Variants in KCNB2 observed in about 807,000 individuals in gnomAD.
The protein encoded by KCNB2 is delayed rectifier potassium channel protein.
Under a neutral mutation model 61.5 loss-of-function variants are expected in KCNB2, and 15 were observed. The ratio of observed to expected loss-of-function variants is 0.24; its 90% CI spans 0.16 to 0.38. The LOEUF is 0.38. Among genes scored for constraint, KCNB2 ranks in the 10% least tolerant of loss-of-function variants. KCNB2 has a pLI of 1.00. For synonymous variants in KCNB2, 457 were observed against 446.0 expected (o/e 1.02, Z -0.31); for missense variants, 828 against 1,125.2 (o/e 0.74, Z 3.78).
chr8:72,890,899 A>T (rs1805886258), intron 2 of KCNB2, among the ~76,000 whole-genome samples: 1 of 152,222 alleles, frequency 6.6e-6, no homozygotes, highest in African/African-American at 2.4e-5. Flanking sequence ...ACTGTCAACA[A>T]TGGTGGCTTA....
intron 2 of KCNB2, among the ~76,000 whole-genome samples, chr8:72,910,483 A>T (rs34754763): frequency 0.059 from 8,939 of 152,248 alleles, 361 homozygotes; most frequent in South Asian, 0.11. Context: ...AAGGGCATAC[A>T]CAATAGAGAT....
chr8:72,625,089 A>AGACACTAGCGG (rs1157600899), intron 2 of KCNB2, among the ~76,000 whole-genome samples: 1 of 152,178 alleles, frequency 6.6e-6, no homozygotes, highest in Non-Finnish European at 1.5e-5. Flanking sequence ...CAGCCTGGTG[A>AGACACTAGCGG]GACACTAGCG....
At chr8:72,558,742 G>C (rs527496254) in intron 1 of KCNB2, among the ~76,000 whole-genome samples, 1 of 152,230 alleles carries the variant, frequency 6.6e-6, no homozygotes, top group Admixed American at 6.5e-5. Flanking sequence ...GAAGAAGATG[G>C]ATATTTATCA....
chr8:72,745,270 G>T (rs963512712), intron 2 of KCNB2, among the ~76,000 whole-genome samples: 2 of 152,172 alleles, frequency 1.3e-5, no homozygotes, highest in African/African-American at 2.4e-5. Flanking sequence ...GAATGTAAGA[G>T]AAAATGAACA....
intron 2 of KCNB2, among the ~76,000 whole-genome samples, chr8:72,572,991 G>C (rs940590775): frequency 7.9e-5 from 12 of 152,122 alleles, no homozygotes; most frequent in African/African-American, 2.2e-4. Context: ...GGAGCTGCTG[G>C]TGGCAGATGG....
intron 2 of KCNB2, among the ~76,000 whole-genome samples, chr8:72,824,664 G>A (rs768155012): frequency 7.2e-5 from 11 of 152,078 alleles, no homozygotes; most frequent in South Asian, 2.1e-4. Context: ...CAATGAGTCC[G>A]CCCTTCTCTA....
At chr8:72,859,048 C>A (rs1209413411) in intron 2 of KCNB2, among the ~76,000 whole-genome samples, 1 of 152,162 alleles carries the variant, frequency 6.6e-6, no homozygotes, top group Non-Finnish European at 1.5e-5. Flanking sequence ...TAGGTTGACC[C>A]TACGAACCTT....
intron 1 of KCNB2, among the ~76,000 whole-genome samples, chr8:72,543,701 C>T (rs4738266): frequency 0.67 from 102,496 of 152,060 alleles, 34,834 homozygotes; most frequent in Admixed American, 0.73. Flanking sequence ...TTTTTATTTA[C>T]ATATATGTCT....
chr8:72,601,651 T>C (rs532084886), intron 2 of KCNB2, among the ~76,000 whole-genome samples: 1 of 152,308 alleles, frequency 6.6e-6, no homozygotes, highest in Admixed American at 6.5e-5. Context: ...GTGAAGTGTT[T>C]AAGGGGCAAA....
intron 2 of KCNB2, among the ~76,000 whole-genome samples, chr8:72,668,250 T>C (rs1176202796): frequency 6.6e-6 from 1 of 152,116 alleles, no homozygotes; most frequent in East Asian, 1.9e-4. Context: ...TTATTGGGGA[T>C]CAGCCACACA....
At chr8:72,833,343 A>G (rs184222904) in intron 2 of KCNB2, among the ~76,000 whole-genome samples, 179 of 152,302 alleles carry the variant, frequency 1.2e-3, no homozygotes, top group African/African-American at 3.7e-3. Flanking sequence ...TGGAGAAGAC[A>G]GGAAAAATTT....
intron 2 of KCNB2, among the ~76,000 whole-genome samples, chr8:72,599,978 C>G (rs1309422329): frequency 6.6e-6 from 1 of 152,184 alleles, no homozygotes; most frequent in African/African-American, 2.4e-5. Flanking sequence ...AATAGGAACA[C>G]TTTTACACTG....
intron 2 of KCNB2, among the ~76,000 whole-genome samples, chr8:72,594,508 AT>A (rs1456687325): frequency 6.6e-6 from 1 of 152,186 alleles, no homozygotes; most frequent in African/African-American, 2.4e-5. Flanking sequence ...ATATATTTTG[AT>A]GTTTAGAGAA....
intron 2 of KCNB2, among the ~76,000 whole-genome samples, chr8:72,777,140 C>G (rs539054493): frequency 6.6e-6 from 1 of 152,268 alleles, no homozygotes; most frequent in South Asian, 2.1e-4. Context: ...TTCTCTCTTC[C>G]TCTTTTTGTA....
intron 2 of KCNB2, among the ~76,000 whole-genome samples, chr8:72,614,427 A>C (rs946798866): frequency 6.6e-6 from 1 of 152,198 alleles, no homozygotes; most frequent in African/African-American, 2.4e-5. Context: ...GTAAAGGTAG[A>C]CAAGGTTTTT....
intron 2 of KCNB2, among the ~76,000 whole-genome samples, chr8:72,714,123 AG>A (rs1807377739): frequency 6.6e-6 from 1 of 152,216 alleles, no homozygotes; most frequent in South Asian, 2.1e-4. Context: ...AAGAATGAAA[AG>A]GAACAAACAA....
At chr8:72,561,743 A>ACG (rs1806527912) in intron 1 of KCNB2, among the ~76,000 whole-genome samples, 2 of 27,870 alleles carry the variant, frequency 7.2e-5, no homozygotes, top group South Asian at 8.3e-4. Context: ...ATCTATATAT[A>ACG]TATGTATATA....
intron 2 of KCNB2, among the ~76,000 whole-genome samples, chr8:72,690,096 C>T (rs1585832093): frequency 6.6e-6 from 1 of 151,826 alleles, no homozygotes; most frequent in Non-Finnish European, 1.5e-5. Flanking sequence ...TAGTAGGGTG[C>T]TATAAGAAAT....
rs556143758 is a variant in KCNB2, at chr8:72,609,920, G to A, written c.579+41607G>A. On this transcript the variant is annotated intron_variant, in intron 2 of 2. Coordinates refer to ENST00000523207, the MANE Select transcript of KCNB2 (RefSeq NM_004770.3). The stretch of plus-strand genomic sequence containing the variant: ...CCAGCATTCAGGGGCTGCTGTTCAC[G>A]TGGAATATTTTCACAGCTCTCCCTG... 7.2e-5 allele frequency among the ~76,000 whole-genome samples: 11 copies of A among 152,318 alleles called. No individual in the cohort carries two copies. In the South Asian group the frequency reaches 1.7e-3, roughly 23 times the overall value.
Sources: gnomAD v4.1 joint callset for allele counts (sites outside exome capture counted in the v4.1 genomes callset) on GRCh38, gnomAD v4.1.1 for gene constraint, MANE v1.5 for transcripts, NCBI Gene and HGNC (gene_info 2026-07-23, HGNC 2026-07-21) for gene names.